Variants in CAPN14 observed in about 807,000 individuals in gnomAD.
CAPN14 encodes the protein calpain-14.
CAPN14 carries 94 observed loss-of-function variants against 101.3 expected under a neutral mutation model. The observed-to-expected ratio is 0.93, with a 90% CI of 0.79 to 1.10. The LOEUF is 1.10. Ranked by LOEUF, CAPN14 falls within the 50% of genes least tolerant of loss-of-function variation. The probability of loss-of-function intolerance (pLI) is 0.00; values close to 1 mark genes in which losing one functional copy is unlikely to be tolerated. For missense variants in CAPN14, 837 were observed against 828.4 expected (o/e 1.01, Z -0.13); for synonymous variants, 338 against 317.9 (o/e 1.06, Z -0.67).
chr2:31,221,093 T>C (rs1024570717), upstream of CAPN14, among the ~76,000 whole-genome samples: 2 of 152,242 alleles, frequency 1.3e-5, no homozygotes, highest in African/African-American at 4.8e-5. Context: ...AGTTATTAAA[T>C]CCTTCACATT....
upstream of CAPN14, among the ~76,000 whole-genome samples, chr2:31,222,201 A>G (rs751768204): frequency 9.2e-5 from 14 of 152,214 alleles, no homozygotes; most frequent in Admixed American, 4.6e-4. Context: ...GTGCCTTTCA[A>G]AGCATAAAAG....
chr2:31,208,985 T>A (rs1682249724), intron 1 of CAPN14, among the ~76,000 whole-genome samples: 2 of 152,190 alleles, frequency 1.3e-5, no homozygotes, highest in African/African-American at 4.8e-5. Context: ...TTATTTTTTA[T>A]TAGAGACAGG....
At chr2:31,203,611 T>A (rs1250133481) in intron 2 of CAPN14, among the ~76,000 whole-genome samples, 1 of 152,130 alleles carries the variant, frequency 6.6e-6, no homozygotes, top group Non-Finnish European at 1.5e-5. Context: ...AGATTTATAT[T>A]CTCAGTCTTT....
chr2:31,231,955 C>T (rs1039403690), intron 1 of CAPN14, among the ~76,000 whole-genome samples: 4 of 152,108 alleles, frequency 2.6e-5, no homozygotes, highest in African/African-American at 4.8e-5. Flanking sequence ...AGCTAAACAC[C>T]AAGGGTGAAA....
At chr2:31,221,603 T>A (rs1682864012), upstream of CAPN14, among the ~76,000 whole-genome samples, 1 of 152,148 alleles carries the variant, frequency 6.6e-6, no homozygotes, top group Admixed American at 6.5e-5. Flanking sequence ...AAACTACCTA[T>A]CTTTCTTGGC....
chr2:31,186,711 T>C (rs190442235), intron 15 of CAPN14, among the ~76,000 whole-genome samples: 29 of 152,334 alleles, frequency 1.9e-4, no homozygotes, highest in African/African-American at 6.0e-4. Flanking sequence ...GCCAACAATT[T>C]GGTTTGAATT....
chr2:31,200,492 T>C lies in CAPN14; in HGVS notation c.685A>G (p.Thr229Ala). 3 of 1,551,046 alleles carry C rather than the reference T, an allele frequency of 1.9e-6. No homozygotes were observed. The highest frequency in any genetic ancestry group is 2.6e-6 in the Non-Finnish European group (3 of 1,146,974). Residue 229 changes from threonine (T) to alanine (A), a missense_variant, in exon 6 of 22, where the codon ACC becomes GCC. Transcript: ENST00000403897. ...GNLWDILIEA[T>A]YNRTLIGCQT... The stretch of plus-strand genomic sequence containing the variant: ...CAGCCAATGAGGGTTCTGTTGTAGG[T>C]GGCTTCGATGAGGATGTCCCAGAGG...
At chr2:31,206,021 A>ATTTTTTTTTTTTT (rs200116287) in intron 1 of CAPN14, among the ~76,000 whole-genome samples, 1 of 108,752 alleles carries the variant, frequency 9.2e-6, no homozygotes. Context: ...CATTATCTTT[A>ATTTTTTTTTTTTT]TTTTTTTTAT....
At chr2:31,175,227 A>C (rs1193759052) in intron 21 of CAPN14, among the ~76,000 whole-genome samples, 1 of 152,134 alleles carries the variant, frequency 6.6e-6, no homozygotes, top group Admixed American at 6.5e-5. Context: ...GAAATCCAAC[A>C]AGGTGGCTGC....
chr2:31,226,021 G>A (rs1458884435), intron 2 of CAPN14, among the ~76,000 whole-genome samples: 1 of 151,964 alleles, frequency 6.6e-6, no homozygotes, highest in African/African-American at 2.4e-5. Context: ...AATTTAAATG[G>A]CATAATACTA....
At chr2:31,181,487 CTCTCTCTT>C (rs1680624041) in intron 16 of CAPN14, among the ~76,000 whole-genome samples, 1 of 126,054 alleles carries the variant, frequency 7.9e-6, no homozygotes, top group African/African-American at 3.1e-5. Flanking sequence ...CTTTCTCTCT[CTCTCTCTT>C]TCCTTTCTTT....
chr2:31,214,191 C>T (rs905607244), intron 1 of CAPN14, among the ~76,000 whole-genome samples: 7 of 152,198 alleles, frequency 4.6e-5, no homozygotes, highest in African/African-American at 1.7e-4. Context: ...AATTGACTCA[C>T]TGACAGAAGG....
At position 31,191,941 on chromosome 2, in the gene CAPN14, C is replaced by G. The variant is rs1562022; in HGVS notation, c.1272G>C (p.Leu424=). 1,433,114 of 1,549,714 alleles carry G rather than the reference C, an allele frequency of 0.92. 663,151 individuals are homozygous for G. The highest frequency in any genetic ancestry group is 0.98 in the East Asian group (40,100 of 40,886). The part of the protein sequence containing the change: ...RKPLLAIGFY[L]YRMNKYHDDQ... The stretch of plus-strand genomic sequence containing the variant: ...GGTTCAGAGGTCCACCTACCCTATA[C>G]AGGTAGAAGCCAATGGCGAGGAGAG... Residue 424 remains leucine, a synonymous_variant, in exon 11 of 22, where the codon CTG becomes CTC. Coordinates refer to ENST00000403897, the MANE Select transcript of CAPN14 (RefSeq NM_001145122.2).
chr2:31,191,250 C>T (rs899313761), intron 12 of CAPN14, 149 bp downstream of exon 12: 2 of 765,312 alleles, frequency 2.6e-6, no homozygotes, highest in South Asian at 1.9e-5. Context: ...CATATACACA[C>T]AGGCAGCGGG....
intron 1 of CAPN14, among the ~76,000 whole-genome samples, chr2:31,229,490 A>G (rs573296060): frequency 6.6e-6 from 1 of 152,224 alleles, no homozygotes; most frequent in African/African-American, 2.4e-5. Context: ...AGCCTGGCCA[A>G]CATGGTGAAA....
intron 1 of CAPN14, among the ~76,000 whole-genome samples, chr2:31,229,506 T>C (rs1424883927): frequency 6.6e-6 from 1 of 151,954 alleles, no homozygotes; most frequent in Non-Finnish European, 1.5e-5. Context: ...TGAAACTCCA[T>C]CTCTACTAAA....
Position 31,199,538 on chromosome 2 carries a change from G to A in CAPN14, c.727-6C>T, listed in dbSNP as rs1572415617. On this transcript the variant is annotated splice_polypyrimidine_tract_variant and splice_region_variant and intron_variant, in intron 6 of 21. Coordinates refer to ENST00000403897, the MANE Select transcript of CAPN14 (RefSeq NM_001145122.2). ...CCATTCTCCAGAATCTTCTCCTGCA[G>A]AGACAAGAGAGGTCCTGATCAGTCT... is the stretch of plus-strand genomic sequence containing the variant. 8 of 1,550,518 alleles carry A rather than the reference G, an allele frequency of 5.2e-6. No individual in the cohort carries two copies. The East Asian group carries it at 1.5e-4, about 28-fold the overall frequency.
chr2:31,203,396 A>G, intron 2 of CAPN14, among the ~76,000 whole-genome samples: 1 of 152,134 alleles, frequency 6.6e-6, no homozygotes, highest in Non-Finnish European at 1.5e-5. Flanking sequence ...TTATACCAAA[A>G]ATGCCTTTTC....
At chr2:31,231,554 A>T (rs1222420099) in intron 1 of CAPN14, among the ~76,000 whole-genome samples, 1 of 152,180 alleles carries the variant, frequency 6.6e-6, no homozygotes, top group African/African-American at 2.4e-5. Context: ...GAAATGCTCC[A>T]TTAGTTCCTT....
Sources: allele counts gnomAD v4.1 joint callset (sites outside exome capture counted in the v4.1 genomes callset), GRCh38; gene constraint gnomAD v4.1.1; transcripts MANE v1.5; gene names NCBI Gene and HGNC (gene_info 2026-07-23, HGNC 2026-07-21).